DLGAP2: variants seen among roughly 807,000 people sequenced by gnomAD.
DLGAP2 encodes the protein DLG associated protein 2.
Under a neutral mutation model 100.3 loss-of-function variants are expected in DLGAP2, and 26 were observed. The observed-to-expected ratio is 0.26, with a 90% CI of 0.19 to 0.36. DLGAP2 has a LOEUF of 0.36. Among genes scored for constraint, DLGAP2 ranks in the 10% least tolerant of loss-of-function variants. The probability of loss-of-function intolerance (pLI) is 1.00; values close to 1 mark genes in which losing one functional copy is unlikely to be tolerated. For synonymous variants in DLGAP2, 886 were observed against 630.1 expected, an observed-to-expected ratio of 1.41 and a Z score of -6.08; for missense variants, 1,858 against 1,453.2, an observed-to-expected ratio of 1.28 and a Z score of -4.53.
intron 1 of DLGAP2, among the ~76,000 whole-genome samples, chr8:777,616 G>A (rs1314062573): frequency 6.6e-6 from 1 of 152,098 alleles, no homozygotes; most frequent in Non-Finnish European, 1.5e-5. Flanking sequence ...AGGAAGCTTA[G>A]TTTGGCTGGA....
At chr8:1,148,250 A>G (rs1015703308) in intron 2 of DLGAP2, among the ~76,000 whole-genome samples, 1 of 152,186 alleles carries the variant, frequency 6.6e-6, no homozygotes, top group Non-Finnish European at 1.5e-5. Flanking sequence ...GTGATAGAAA[A>G]TTAGTTACAC....
At chr8:1,505,060 C>T (rs1386280779) in intron 4 of DLGAP2, among the ~76,000 whole-genome samples, 1 of 152,096 alleles carries the variant, frequency 6.6e-6, no homozygotes, top group Non-Finnish European at 1.5e-5. Context: ...GTTATGTTCC[C>T]AACACTATCA....
intron 3 of DLGAP2, among the ~76,000 whole-genome samples, chr8:1,435,074 C>T (rs1455970706): frequency 6.6e-6 from 1 of 152,194 alleles, no homozygotes; most frequent in Non-Finnish European, 1.5e-5. Context: ...CCTTATTGCT[C>T]CTGGAAGCTT....
intron 2 of DLGAP2, among the ~76,000 whole-genome samples, chr8:1,096,613 C>T (rs1392669778): frequency 1.3e-5 from 2 of 151,424 alleles, no homozygotes; most frequent in African/African-American, 2.4e-5. Context: ...ATAGAGAGGA[C>T]CCCTCCAGCG....
chr8:1,491,397 T>TCGGAGGTTTCAGGCTGCTCCCCCGATCC (rs1799383625), intron 3 of DLGAP2, among the ~76,000 whole-genome samples: 1 of 149,474 alleles, frequency 6.7e-6, no homozygotes, highest in African/African-American at 2.5e-5. Context: ...CCCCCTGACC[T>TCGGAGGTTTCAGGCTGCTCCCCCGATCC]CGGAGGCTTC....
intron 2 of DLGAP2, among the ~76,000 whole-genome samples, chr8:1,005,967 A>T (rs1351214588): frequency 2.6e-5 from 4 of 152,084 alleles, no homozygotes; most frequent in African/African-American, 9.7e-5. Flanking sequence ...GAGGCGGGCA[A>T]ATCACGAGGT....
In DLGAP2 at chr8:881,061, CTCAGG is replaced by C. The variant is rs568215839; in HGVS notation, c.19-26849_19-26845del. On this transcript the variant is annotated intron_variant, in intron 1 of 14. Transcript: ENST00000637795. The stretch of plus-strand genomic sequence containing the variant: ...TAAGGTCTACCTTCATTTTGCAAAG[CTCAGG>C]TGATATTCACAAGAATTTGCGAAGA... Among the ~76,000 whole-genome samples the C allele has an allele frequency of 1.6e-4, 25 of 152,304 alleles. No individual in the cohort carries two copies. The East Asian group carries it at 4.8e-3, about 29-fold the overall frequency.
chr8:1,342,013 T>G (rs6558453), intron 3 of DLGAP2, among the ~76,000 whole-genome samples: 63,572 of 151,954 alleles, frequency 0.42, 15,681 homozygotes, highest in African/African-American at 0.69. Flanking sequence ...TGCAATGGTG[T>G]GATCTCAGGT....
intron 2 of DLGAP2, among the ~76,000 whole-genome samples, chr8:1,046,745 C>G (rs1286884249): frequency 2.6e-5 from 4 of 152,168 alleles, no homozygotes; most frequent in Non-Finnish European, 4.4e-5. Context: ...AGTATGATCT[C>G]TCTTCAGCTC....
At chr8:1,421,658 A>G (rs897802947) in intron 3 of DLGAP2, among the ~76,000 whole-genome samples, 1 of 152,250 alleles carries the variant, frequency 6.6e-6, no homozygotes, top group Non-Finnish European at 1.5e-5. Flanking sequence ...GCAAGCACAT[A>G]TGTTTGGCTA....
At chr8:1,250,040 C>A (rs1352638929) in intron 2 of DLGAP2, among the ~76,000 whole-genome samples, 3 of 152,018 alleles carry the variant, frequency 2.0e-5, no homozygotes, top group African/African-American at 2.4e-5. Context: ...GCTGCCATAC[C>A]CGGCTAATTT....
chr8:1,000,098 C>G (rs371986366), intron 2 of DLGAP2, among the ~76,000 whole-genome samples: 1 of 144,872 alleles, frequency 6.9e-6, no homozygotes, highest in Non-Finnish European at 1.5e-5. Context: ...TTCTTTTGCA[C>G]TGGATTTTCT....
intron 1 of DLGAP2, among the ~76,000 whole-genome samples, chr8:875,659 C>T (rs926164533): frequency 2.6e-5 from 4 of 152,210 alleles, no homozygotes; most frequent in Admixed American, 1.3e-4. Context: ...GTCCTTATAG[C>T]AGTGTGAGAA....
intron 2 of DLGAP2, among the ~76,000 whole-genome samples, chr8:973,580 A>G (rs11786515): frequency 0.16 from 24,993 of 152,196 alleles, 2,618 homozygotes; most frequent in Non-Finnish European, 0.24. Flanking sequence ...AGAGGCTGCA[A>G]TCTCGGCACT....
chr8:1,313,489 T>C (rs1800659240), intron 3 of DLGAP2, among the ~76,000 whole-genome samples: 3 of 152,166 alleles, frequency 2.0e-5, no homozygotes, highest in South Asian at 4.1e-4. Context: ...AATGGTAAAG[T>C]CCGGAATTTT....
At position 1,599,967 on chromosome 8, in the gene DLGAP2, C is replaced by T. The variant is rs964302528; in HGVS notation, c.1443-26773C>T. Among the ~76,000 whole-genome samples the T allele has an allele frequency of 5.9e-5, 9 of 152,220 alleles. No homozygotes were observed. The South Asian group carries it at 1.0e-3, about 18-fold the overall frequency. Reference sequence around the variant, plus strand: ...AATTGATGCAATTTCTTCATAGTGTCGATGGTCTTTACAATTTGGTATGTT... The same window carrying T: ...AATTGATGCAATTTCTTCATAGTGTTGATGGTCTTTACAATTTGGTATGTT... On this transcript the variant is annotated intron_variant, in intron 6 of 14. Coordinates refer to ENST00000637795, the MANE Select transcript of DLGAP2 (RefSeq NM_001346810.2).
intron 2 of DLGAP2, among the ~76,000 whole-genome samples, chr8:1,102,234 C>G (rs1804608307): frequency 6.8e-6 from 1 of 146,888 alleles, no homozygotes; most frequent in South Asian, 2.1e-4. Flanking sequence ...TAGATTCAAG[C>G]TTTTACTGAT....
intron 8 of DLGAP2, among the ~76,000 whole-genome samples, chr8:1,654,661 CAAAAA>C (rs763257486): frequency 2.2e-5 from 2 of 92,662 alleles, no homozygotes. Flanking sequence ...AACTCCGTCT[CAAAAA>C]AAAAAAAAAA....
intron 2 of DLGAP2, among the ~76,000 whole-genome samples, chr8:958,327 G>C (rs1271246430): frequency 6.6e-6 from 1 of 152,040 alleles, no homozygotes; most frequent in African/African-American, 2.4e-5. Context: ...TTCTGCCTTT[G>C]GCTGTTGTGA....
Sources: gnomAD v4.1 joint callset for allele counts (sites outside exome capture counted in the v4.1 genomes callset) on GRCh38, gnomAD v4.1.1 for gene constraint, MANE v1.5 for transcripts, NCBI Gene and HGNC (gene_info 2026-07-23, HGNC 2026-07-21) for gene names.